STAB2: variants seen among roughly 807,000 people sequenced by gnomAD.
STAB2 encodes stabilin 2, also known as stabilin-2.
In STAB2, 288 loss-of-function variants were observed where a neutral mutation model predicts 338.1. The ratio of observed to expected loss-of-function variants is 0.85; its 90% CI spans 0.77 to 0.94. The LOEUF (loss-of-function observed/expected upper bound fraction) is 0.94, where lower values mean the gene tolerates loss of function less well. Ranked by LOEUF, STAB2 falls within the 40% of genes least tolerant of loss-of-function variation. The pLI is 0.00. For synonymous variants in STAB2, 1,202 were observed against 1,193.3 expected, an observed-to-expected ratio of 1.01 and a Z score of -0.15; for missense variants, 3,141 against 3,210.1, an observed-to-expected ratio of 0.98 and a Z score of 0.52.
chr12:103,756,245 C>T (rs554978754), intron 63 of STAB2, among the ~76,000 whole-genome samples: 4 of 152,324 alleles, frequency 2.6e-5, no homozygotes, highest in South Asian at 2.1e-4. Context: ...AAGTCATATC[C>T]AGCGAAGAGA....
chr12:103,620,676 G>T (rs114218445), intron 4 of STAB2, 123 bp downstream of exon 4: 1 of 866,970 alleles, frequency 1.2e-6, no homozygotes. Context: ...CATATACAGC[G>T]AAGTTCTTAA....
chr12:103,640,486 T>G (rs1353887906), intron 9 of STAB2, among the ~76,000 whole-genome samples: 1 of 152,212 alleles, frequency 6.6e-6, no homozygotes, highest in Non-Finnish European at 1.5e-5. Context: ...GGAATATTGT[T>G]GTGGCCTGAT....
At chr12:103,671,032 T>C (rs554174920) in intron 22 of STAB2, among the ~76,000 whole-genome samples, 84 of 152,306 alleles carry the variant, frequency 5.5e-4, no homozygotes, top group Non-Finnish European at 1.5e-4. Context: ...CCAATGGGTC[T>C]TCAGAATTTG....
Position 103,762,373 on chromosome 12 carries a change from C to T in STAB2, c.7459C>T (p.Arg2487Trp), listed in dbSNP as rs200259267. 59 of 1,614,174 alleles carry T rather than the reference C, an allele frequency of 3.7e-5. No individual in the cohort carries two copies. In the African/African-American group the frequency reaches 5.3e-4, roughly 15 times the overall value. Residue 2487 changes from arginine to tryptophan, a missense_variant, in exon 67 of 69, where the codon CGG becomes TGG. Coordinates refer to ENST00000388887, the MANE Select transcript of STAB2 (RefSeq NM_017564.10). ...LAAYSYFRINRRTIGFQHFES... is the reference protein window; with the variant it reads ...LAAYSYFRINWRTIGFQHFES... Reference sequence around the variant, plus strand: ...TGCTTACTCCTACTTTCGGATAAACCGGAGAACAATCGGCTTCCAGCATTT... The same window carrying T: ...TGCTTACTCCTACTTTCGGATAAACTGGAGAACAATCGGCTTCCAGCATTT...
chr12:103,735,597 A>C lies in STAB2; in HGVS notation c.5550+17A>C. On this transcript the variant is annotated intron_variant, in intron 52 of 68. Coordinates refer to ENST00000388887, the MANE Select transcript of STAB2 (RefSeq NM_017564.10). ...AGGGACATCGTGAGTATCATCATGA[A>C]GGGTGGGCAGGGAGGGGTTAACACA... 9.0e-6 allele frequency: 5 copies of C among 558,588 alleles called. No homozygotes were observed. The highest frequency in any genetic ancestry group is 1.6e-5 in the Non-Finnish European group (5 of 304,506). 34.6% of individuals were successfully genotyped at this position (558,588 alleles called of 1,614,324 possible). A position where few individuals can be genotyped will look rare whatever the true frequency, so the allele number is the denominator to read the frequency against.
At chr12:103,614,780 C>A (rs946028980) in intron 3 of STAB2, among the ~76,000 whole-genome samples, 3 of 152,182 alleles carry the variant, frequency 2.0e-5, no homozygotes, top group Admixed American at 2.0e-4. Context: ...GGCATAAAAA[C>A]CTTCACTTCC....
At chr12:103,615,944 A>T (rs1007801430) in intron 3 of STAB2, among the ~76,000 whole-genome samples, 4 of 152,164 alleles carry the variant, frequency 2.6e-5, no homozygotes, top group Admixed American at 1.3e-4. Context: ...ATAATTCAAG[A>T]TGAGATTTTA....
intron 22 of STAB2, among the ~76,000 whole-genome samples, chr12:103,672,062 A>G (rs892517142): frequency 1.3e-5 from 2 of 152,122 alleles, no homozygotes; most frequent in African/African-American, 4.8e-5. Flanking sequence ...ATTAGACCAT[A>G]ATTTCGGGCT....
chr12:103,750,547 C>A (rs1204782972), intron 59 of STAB2, 32 bp from the exon 60 acceptor site: 2 of 1,610,430 alleles, frequency 1.2e-6, no homozygotes, highest in Non-Finnish European at 1.7e-6. Context: ...AGAGAAGGAA[C>A]TTTTTCATCT....
At chr12:103,672,496 T>C (rs928790092) in intron 22 of STAB2, among the ~76,000 whole-genome samples, 1 of 152,172 alleles carries the variant, frequency 6.6e-6, no homozygotes, top group Non-Finnish European at 1.5e-5. Flanking sequence ...TTCCCTAAAA[T>C]TGTATAACAA....
intron 5 of STAB2, 95 bp downstream of exon 5, chr12:103,622,206 G>A: frequency 7.5e-7 from 1 of 1,328,472 alleles, no homozygotes; most frequent in Non-Finnish European, 1.1e-6. Flanking sequence ...ATAGTTATGT[G>A]TGATAAAAAA....
At position 103,737,787 on chromosome 12, in the gene STAB2, C is replaced by T. The variant is rs768775617; in HGVS notation, c.5697+7C>T. 41 of 1,613,606 alleles carry T rather than the reference C, an allele frequency of 2.5e-5. No individual in the cohort carries two copies. In the Middle Eastern group the frequency reaches 5.1e-4, roughly 20 times the overall value. ...TACTACTTTCGATGCCTCGGTCAGT[C>T]CTAAAAACAACAGTGTAGTAAGAGA... On this transcript the variant is annotated splice_region_variant and intron_variant, in intron 53 of 68. Transcript: ENST00000388887.
At chr12:103,676,989 C>T (rs1446017294) in intron 24 of STAB2, among the ~76,000 whole-genome samples, 1 of 152,142 alleles carries the variant, frequency 6.6e-6, no homozygotes, top group Non-Finnish European at 1.5e-5. Flanking sequence ...ATCTTGTATC[C>T]CTCTCTCCTT....
chr12:103,758,701 G>T (rs1884314418), intron 64 of STAB2, among the ~76,000 whole-genome samples: 1 of 152,254 alleles, frequency 6.6e-6, no homozygotes, highest in East Asian at 1.9e-4. Context: ...GGCCAGGGGT[G>T]CAGGGAGTGG....
chr12:103,737,724 C>T lies in STAB2; in HGVS notation c.5641C>T (p.Leu1881=). ...LGVAYGIDCL[L]IDPTLGGRCD... Reference sequence around the variant, plus strand: ...TGTGGCCTACGGCATTGACTGTCTGCTGATTGATCCCACCCTGGGGGGCCG... The same window carrying T: ...TGTGGCCTACGGCATTGACTGTCTGTTGATTGATCCCACCCTGGGGGGCCG... The change falls in exon 53 of 69, where the codon CTG becomes TTG. Residue 1881 remains leucine (L), a synonymous_variant. Coordinates refer to ENST00000388887, the MANE Select transcript of STAB2 (RefSeq NM_017564.10). The T allele has an allele frequency of 6.2e-7, 1 of 1,613,480 alleles. No homozygotes were observed. Among genetic ancestry groups the T allele is most frequent in the Non-Finnish European group, 8.5e-7 (1 of 1,179,952 alleles).
In STAB2 at chr12:103,706,925, G is replaced by C; in HGVS notation, c.4130G>C (p.Gly1377Ala). Residue 1377 changes from glycine (G) to alanine (A), a missense_variant, in exon 38 of 69, where the codon GGC (glycine) becomes GCC (alanine). By Grantham distance (60) the Gly-to-Ala change is moderately conservative. Transcript: ENST00000388887. ...ACAGGTGTGTGTGAGTGTGGGGAGG[G>C]CTTCAGCGGCACAGCCTGCGAGACC... The part of the protein sequence containing the change: ...NGTGVCECGE[G>A]FSGTACETCT... The C allele has an allele frequency of 6.2e-7, 1 of 1,614,212 alleles. No homozygotes were observed. The highest frequency in any genetic ancestry group is 1.6e-4 in the Middle Eastern group (1 of 6,062).
intron 21 of STAB2, 132 bp downstream of exon 21, chr12:103,669,759 G>T (rs1875559958): frequency 2.8e-6 from 2 of 710,110 alleles, no homozygotes; most frequent in South Asian, 1.8e-5. Context: ...TAAAAGAACA[G>T]CAGGTGTCTG....
At chr12:103,682,273 C>T (rs1876984260) in intron 25 of STAB2, among the ~76,000 whole-genome samples, 1 of 151,896 alleles carries the variant, frequency 6.6e-6, no homozygotes, top group Admixed American at 6.5e-5. Flanking sequence ...TGTCCACATC[C>T]ATCCTCGTTT....
rs575340363 is a variant in STAB2, at chr12:103,707,819, A to G, written c.4193-622A>G. Among the ~76,000 whole-genome samples the G allele has an allele frequency of 1.6e-4, 25 of 152,382 alleles. 1 individual carries two copies. The highest frequency in any genetic ancestry group is 3.9e-4 in the Admixed American group (6 of 15,304). ...AATTGAATCATTATAATTGGGCCAT[A>G]TAATATTTACTTGGAATTACAGTGT... On this transcript the variant is annotated intron_variant, in intron 38 of 68. Coordinates refer to ENST00000388887, the MANE Select transcript of STAB2 (RefSeq NM_017564.10).
Sources: gnomAD v4.1 joint callset for allele counts (sites outside exome capture counted in the v4.1 genomes callset) on GRCh38, gnomAD v4.1.1 for gene constraint, MANE v1.5 for transcripts, NCBI Gene and HGNC (gene_info 2026-07-23, HGNC 2026-07-21) for gene names.